Variants in EPHA6 observed in about 807,000 individuals in gnomAD.
EPHA6 encodes ephrin type-A receptor 6.
Under a neutral mutation model 112.0 loss-of-function variants are expected in EPHA6, and 50 were observed. The observed-to-expected ratio is 0.45, with a 90% confidence interval of 0.36 to 0.56. EPHA6 has a LOEUF of 0.56. Ranked by LOEUF, EPHA6 falls within the 20% of genes least tolerant of loss-of-function variation. EPHA6 has a pLI of 0.00. For synonymous variants in EPHA6, 529 were observed against 490.7 expected (o/e 1.08, Z -1.03); for missense variants, 1,280 against 1,417.4 (o/e 0.90, Z 1.56).
chr3:97,112,828 C>T (rs554500489), intron 3 of EPHA6, among the ~76,000 whole-genome samples: 1 of 152,186 alleles, frequency 6.6e-6, no homozygotes, highest in East Asian at 1.9e-4. Flanking sequence ...CAGCTAGTAT[C>T]ACTGTCTCAC....
intron 2 of EPHA6, among the ~76,000 whole-genome samples, chr3:96,869,760 A>G (rs1026982482): frequency 6.6e-6 from 1 of 152,088 alleles, no homozygotes; most frequent in Non-Finnish European, 1.5e-5. Flanking sequence ...AGTATATAAA[A>G]TCAGATATCA....
intron 12 of EPHA6, among the ~76,000 whole-genome samples, chr3:97,607,744 G>C (rs891432697): frequency 6.6e-6 from 1 of 151,102 alleles, no homozygotes; most frequent in Non-Finnish European, 1.5e-5. Flanking sequence ...TGAGGCAGAA[G>C]GGGTGACTGG....
At chr3:97,260,503 T>C (rs11915083) in intron 5 of EPHA6, among the ~76,000 whole-genome samples, 3,246 of 152,332 alleles carry the variant, frequency 0.021, 118 homozygotes, top group African/African-American at 0.067. Context: ...TCCTCAAATA[T>C]GGGCAATGCT....
intron 5 of EPHA6, among the ~76,000 whole-genome samples, chr3:97,267,031 C>T (rs1462836723): frequency 6.6e-6 from 1 of 151,966 alleles, no homozygotes; most frequent in Non-Finnish European, 1.5e-5. Context: ...ATAACCATAC[C>T]AGTTTGTTAT....
chr3:96,924,438 C>A (rs2039929261), intron 2 of EPHA6, among the ~76,000 whole-genome samples: 1 of 152,068 alleles, frequency 6.6e-6, no homozygotes, highest in Non-Finnish European at 1.5e-5. Context: ...TGATTTGGCT[C>A]TCTGCTTGCC....
At chr3:97,703,556 T>C (rs539946229) in intron 14 of EPHA6, among the ~76,000 whole-genome samples, 1 of 152,294 alleles carries the variant, frequency 6.6e-6, no homozygotes, top group South Asian at 2.1e-4. Flanking sequence ...TATAAAGTTT[T>C]CCAGCCAACA....
chr3:97,319,690 A>G (rs1051384090), intron 5 of EPHA6, among the ~76,000 whole-genome samples: 7 of 150,038 alleles, frequency 4.7e-5, no homozygotes, highest in Admixed American at 2.7e-4. Flanking sequence ...ACAAAAAACA[A>G]AAAAAAAACA....
chr3:97,446,981 G>T (rs1199584508), intron 6 of EPHA6, among the ~76,000 whole-genome samples: 1 of 151,988 alleles, frequency 6.6e-6, no homozygotes, highest in Non-Finnish European at 1.5e-5. Flanking sequence ...TTTTGGTTTA[G>T]TCTTTTTTTA....
chr3:96,984,396 C>G (rs926207945), intron 2 of EPHA6, among the ~76,000 whole-genome samples: 1 of 152,176 alleles, frequency 6.6e-6, no homozygotes, highest in East Asian at 1.9e-4. Flanking sequence ...ATGTTGCTGC[C>G]TGATTGTTCC....
At chr3:97,361,277 C>T (rs2084356697) in intron 5 of EPHA6, among the ~76,000 whole-genome samples, 1 of 152,154 alleles carries the variant, frequency 6.6e-6, no homozygotes, top group South Asian at 2.1e-4. Flanking sequence ...GCTCTAATAG[C>T]ATCCCCAAAG....
At chr3:97,105,622 A>G (rs540349731) in intron 3 of EPHA6, among the ~76,000 whole-genome samples, 3 of 152,238 alleles carry the variant, frequency 2.0e-5, no homozygotes, top group South Asian at 2.1e-4. Flanking sequence ...AAGAATGTAT[A>G]TTCTGTTGGT....
intron 1 of EPHA6, 96 bp from the exon 2 acceptor site, chr3:96,866,729 T>C: frequency 1.6e-6 from 1 of 622,338 alleles, no homozygotes; most frequent in South Asian, 2.6e-5. Flanking sequence ...GTAAGTGTAA[T>C]TGACATTAAT....
chr3:97,025,393 A>G (rs2044602820), intron 3 of EPHA6, among the ~76,000 whole-genome samples: 1 of 152,084 alleles, frequency 6.6e-6, no homozygotes, highest in Non-Finnish European at 1.5e-5. Flanking sequence ...AAAATTTTAT[A>G]CTAGTCTTTT....
chr3:97,330,089 T>G (rs914933688), intron 5 of EPHA6, among the ~76,000 whole-genome samples: 6 of 151,992 alleles, frequency 3.9e-5, no homozygotes, highest in South Asian at 2.1e-4. Context: ...TTTCCCCATT[T>G]CTTGTTTTTG....
intron 14 of EPHA6, among the ~76,000 whole-genome samples, chr3:97,640,438 A>G (rs1013552865): frequency 1.3e-5 from 2 of 152,164 alleles, no homozygotes; most frequent in Non-Finnish European, 2.9e-5. Flanking sequence ...ATTTATTTAA[A>G]CAGGAAATAA....
chr3:97,518,909 G>T (rs1269457449), intron 10 of EPHA6, among the ~76,000 whole-genome samples: 2 of 152,004 alleles, frequency 1.3e-5, no homozygotes, highest in African/African-American at 2.4e-5. Context: ...CCCATGTCAA[G>T]TAAATAATTT....
intron 3 of EPHA6, among the ~76,000 whole-genome samples, chr3:97,216,612 C>G (rs1443040247): frequency 1.2e-4 from 18 of 152,178 alleles, no homozygotes; most frequent in Admixed American, 1.2e-3. Context: ...ATTGTTATAT[C>G]AAATGGTAGG....
intron 5 of EPHA6, among the ~76,000 whole-genome samples, chr3:97,266,365 T>C (rs898654767): frequency 6.6e-6 from 1 of 152,166 alleles, no homozygotes; most frequent in Non-Finnish European, 1.5e-5. Flanking sequence ...CGTATTCTAA[T>C]CTCCATTTTA....
chr3:97,692,598 A>T (rs2032741628), intron 14 of EPHA6, among the ~76,000 whole-genome samples: 1 of 152,152 alleles, frequency 6.6e-6, no homozygotes, highest in African/African-American at 2.4e-5. Flanking sequence ...TGAATAATTT[A>T]TGTGATTTAC....
Sources: allele counts gnomAD v4.1 joint callset (sites outside exome capture counted in the v4.1 genomes callset), GRCh38; gene constraint gnomAD v4.1.1; transcripts MANE v1.5; gene names NCBI Gene and HGNC (gene_info 2026-07-23, HGNC 2026-07-21).